Variants in RPRD1B observed in about 807,000 individuals in gnomAD.
RPRD1B encodes the protein regulation of nuclear pre-mRNA domain-containing protein 1B.
Under a neutral mutation model 41.5 loss-of-function variants are expected in RPRD1B, and 11 were observed. The observed-to-expected ratio is 0.27, with a 90% CI of 0.17 to 0.44. The LOEUF (loss-of-function observed/expected upper bound fraction) is 0.44, where lower values mean the gene tolerates loss of function less well. Ranked by LOEUF, RPRD1B falls within the 20% of genes least tolerant of loss-of-function variation. The probability of loss-of-function intolerance (pLI) is 1.00; values close to 1 mark genes in which losing one functional copy is unlikely to be tolerated. For missense variants in RPRD1B, 248 were observed against 389.9 expected (o/e 0.64, Z 3.06); for synonymous variants, 158 against 155.6 (o/e 1.02, Z -0.12).
At chr20:38,080,886 T>G (rs114298938) in intron 6 of RPRD1B, among the ~76,000 whole-genome samples, 21,162 of 152,186 alleles carry the variant, frequency 0.14, 1,558 homozygotes, top group South Asian at 0.28. Context: ...TCTGTTTTTG[T>G]ACCATTTCCA....
At chr20:38,063,155 A>G (rs1317845241) in intron 5 of RPRD1B, among the ~76,000 whole-genome samples, 2 of 151,926 alleles carry the variant, frequency 1.3e-5, no homozygotes, top group Admixed American at 6.5e-5. Context: ...CCTCCCAGAT[A>G]GTTACATAGC....
chr20:38,057,377 T>G (rs1375128496), intron 3 of RPRD1B, among the ~76,000 whole-genome samples, 155 bp from the exon 4 acceptor site: 1 of 152,212 alleles, frequency 6.6e-6, no homozygotes, highest in Non-Finnish European at 1.5e-5. Flanking sequence ...GGAACTACAG[T>G]CAATTTAAAA....
chr20:38,035,676 AGT>A (rs377072425), intron 1 of RPRD1B, among the ~76,000 whole-genome samples: 82 of 152,086 alleles, frequency 5.4e-4, no homozygotes, highest in Non-Finnish European at 9.0e-4. Flanking sequence ...TTATTTGAAG[AGT>A]GTGCTGAAAT....
intron 5 of RPRD1B, among the ~76,000 whole-genome samples, chr20:38,062,768 A>G (rs1278144215): frequency 1.4e-5 from 2 of 147,744 alleles, no homozygotes; most frequent in East Asian, 2.1e-4. Context: ...AAGGCAGATC[A>G]TGTCTCCCGC....
At chr20:38,081,047 T>C (rs2074507943) in intron 6 of RPRD1B, among the ~76,000 whole-genome samples, 1 of 152,226 alleles carries the variant, frequency 6.6e-6, no homozygotes, top group Non-Finnish European at 1.5e-5. Flanking sequence ...CTCTTTGTTT[T>C]GTTTTTGTTA....
At chr20:38,068,260 A>C (rs1391391416) in intron 6 of RPRD1B, among the ~76,000 whole-genome samples, 1 of 152,242 alleles carries the variant, frequency 6.6e-6, no homozygotes, top group Non-Finnish European at 1.5e-5. Flanking sequence ...AGGCCCCACC[A>C]CTGGAACCAA....
intron 6 of RPRD1B, among the ~76,000 whole-genome samples, chr20:38,088,132 G>A (rs765656883): frequency 9.2e-5 from 14 of 152,176 alleles, no homozygotes; most frequent in African/African-American, 2.4e-4. Flanking sequence ...CTCTCATTGC[G>A]GGTGGGAGAC....
In RPRD1B at chr20:38,033,927, C is replaced by T. The variant is rs375640992; in HGVS notation, c.-21C>T. On this transcript the variant is annotated 5_prime_UTR_variant, in exon 1 of 7. Transcript: ENST00000373433. ...ACTGGGCGGCCCAGGCCGCTCCCTGCCGGGCCTCACTGCCGCCACCATGTC... is the reference window on the plus strand; with the variant it reads ...ACTGGGCGGCCCAGGCCGCTCCCTGTCGGGCCTCACTGCCGCCACCATGTC... 2.6e-5 allele frequency: 42 copies of T among 1,596,908 alleles called. No individual in the cohort carries two copies. The highest frequency in any genetic ancestry group is 3.5e-5 in the Non-Finnish European group (41 of 1,170,976).
chr20:38,086,703 C>T (rs1237969756), intron 6 of RPRD1B, among the ~76,000 whole-genome samples: 2 of 152,198 alleles, frequency 1.3e-5, no homozygotes, highest in Non-Finnish European at 2.9e-5. Flanking sequence ...CTAGTGATTC[C>T]TTCCTCTGAC....
At position 38,048,442 on chromosome 20, in the gene RPRD1B, A is replaced by C; in HGVS notation, c.376A>C (p.Lys126Gln). Residue 126 changes from lysine (K) to glutamine (Q), a missense_variant, in exon 3 of 7, where the codon AAG (lysine) becomes CAG (glutamine). Lys to Gln is a moderately conservative substitution (Grantham distance 53). Coordinates refer to ENST00000373433, the MANE Select transcript of RPRD1B (RefSeq NM_021215.4). ...VYGGEFIQQL[K>Q]LSMEDSKSPP... Reference sequence around the variant, plus strand: ...TGGCGGCGAGTTCATACAGCAGCTGAAGCTGTCTATGGAGGACTCCAAGAG... The same window carrying C: ...TGGCGGCGAGTTCATACAGCAGCTGCAGCTGTCTATGGAGGACTCCAAGAG... 6.2e-7 allele frequency: 1 copy of C among 1,613,782 alleles called. No homozygotes were observed. Among genetic ancestry groups the C allele is most frequent in the East Asian group, 2.2e-5 (1 of 44,890 alleles).
At chr20:38,065,154 C>T (rs1245752570) in intron 5 of RPRD1B, among the ~76,000 whole-genome samples, 2 of 152,120 alleles carry the variant, frequency 1.3e-5, no homozygotes, top group African/African-American at 4.8e-5. Context: ...TACATTTTGT[C>T]AAATGTAGGA....
At chr20:38,066,303 G>A (rs372319069) in intron 6 of RPRD1B, 47 bp downstream of exon 6, 2 of 1,563,258 alleles carry the variant, frequency 1.3e-6, no homozygotes, top group African/African-American at 2.7e-5. Context: ...TTCCCTTCCT[G>A]TAGCCCACAT....
At position 38,049,551 on chromosome 20, in the gene RPRD1B, G is replaced by A. The variant is rs765167809; in HGVS notation, c.415+1070G>A. Among the ~76,000 whole-genome samples, 4 of 150,734 alleles carry A rather than the reference G, an allele frequency of 2.7e-5. No homozygotes were observed. In the South Asian group the frequency reaches 6.3e-4, roughly 24 times the overall value. On this transcript the variant is annotated intron_variant, in intron 3 of 6. Coordinates refer to ENST00000373433, the MANE Select transcript of RPRD1B (RefSeq NM_021215.4). ...TGCCCAGCTAATTTTTGTATTTTTG[G>A]TAGAGACAGGGTTTCACCATCTTGG...
At chr20:38,086,537 A>C (rs140679327) in intron 6 of RPRD1B, among the ~76,000 whole-genome samples, 1 of 151,686 alleles carries the variant, frequency 6.6e-6, no homozygotes, top group East Asian at 1.9e-4. Context: ...CAGGGTCTCT[A>C]TTTCCCAGGC....
At chr20:38,039,877 G>A (rs1002809010) in intron 1 of RPRD1B, among the ~76,000 whole-genome samples, 1 of 151,660 alleles carries the variant, frequency 6.6e-6, no homozygotes, top group African/African-American at 2.4e-5. Context: ...GGGACTACAG[G>A]TGCCCACCAT....
intron 2 of RPRD1B, among the ~76,000 whole-genome samples, chr20:38,047,055 G>A (rs191682472): frequency 6.6e-6 from 1 of 152,294 alleles, no homozygotes; most frequent in African/African-American, 2.4e-5. Flanking sequence ...CAGATTGATA[G>A]CAGAGGAAAA....
At chr20:38,062,533 C>T (rs1736894736) in intron 5 of RPRD1B, among the ~76,000 whole-genome samples, 2 of 152,122 alleles carry the variant, frequency 1.3e-5, no homozygotes, top group East Asian at 3.9e-4. Flanking sequence ...CACTCATGGT[C>T]TTCTCCATCT....
chr20:38,066,733 G>A (rs1157898730), intron 6 of RPRD1B, among the ~76,000 whole-genome samples: 1 of 152,032 alleles, frequency 6.6e-6, no homozygotes, highest in Non-Finnish European at 1.5e-5. Context: ...TCGGCTCACT[G>A]CAAGCTCTGC....
intron 6 of RPRD1B, among the ~76,000 whole-genome samples, chr20:38,075,195 T>C: frequency 6.6e-6 from 1 of 152,256 alleles, no homozygotes; most frequent in Non-Finnish European, 1.5e-5. Flanking sequence ...CATTTCACGG[T>C]CTCTGCCACC....
Sources: gnomAD v4.1 joint callset for allele counts (sites outside exome capture counted in the v4.1 genomes callset) on GRCh38, gnomAD v4.1.1 for gene constraint, MANE v1.5 for transcripts, NCBI Gene and HGNC (gene_info 2026-07-23, HGNC 2026-07-21) for gene names.